The following AFF3 variants were observed in gnomAD, a reference collection of about 807,000 sequenced individuals.
AFF3 encodes AF4/FMR2 family member 3.
Under a neutral mutation model 129.7 loss-of-function variants are expected in AFF3, and 32 were observed. That is an observed-to-expected ratio of 0.25 (90% CI 0.19 to 0.33). The LOEUF (loss-of-function observed/expected upper bound fraction) is 0.33. Ranked by LOEUF, AFF3 falls within the 10% of genes least tolerant of loss-of-function variation. The pLI, the probability that AFF3 is intolerant of heterozygous loss-of-function variation, is 1.00. For missense variants in AFF3, 1,373 were observed against 1,592.0 expected (o/e 0.86, Z 2.34); for synonymous variants, 644 against 635.4 (o/e 1.01, Z -0.20).
chr2:99,643,532 C>A (rs1461124090), intron 13 of AFF3, among the ~76,000 whole-genome samples: 1 of 152,078 alleles, frequency 6.6e-6, no homozygotes, highest in Non-Finnish European at 1.5e-5. Flanking sequence ...AAGAAGAGAC[C>A]AACTATTAGT....
intron 7 of AFF3, among the ~76,000 whole-genome samples, chr2:99,949,407 A>AG (rs1417073835): frequency 6.6e-6 from 1 of 152,094 alleles, no homozygotes; most frequent in Non-Finnish European, 1.5e-5. Context: ...ACTGGAGAGC[A>AG]GGGGGGAGGA....
At chr2:99,728,154 T>C (rs1679512885) in intron 10 of AFF3, among the ~76,000 whole-genome samples, 1 of 152,182 alleles carries the variant, frequency 6.6e-6, no homozygotes, top group Non-Finnish European at 1.5e-5. Flanking sequence ...CTTAATCAAT[T>C]GGTGGTTTGA....
chr2:99,951,347 CT>C (rs1010970888), intron 7 of AFF3, among the ~76,000 whole-genome samples: 11 of 152,272 alleles, frequency 7.2e-5, no homozygotes, highest in South Asian at 6.2e-4. Context: ...TAATTACTAA[CT>C]TGCCTAACCC....
chr2:99,860,417 G>A (rs1454155437), intron 7 of AFF3, among the ~76,000 whole-genome samples: 1 of 152,064 alleles, frequency 6.6e-6, no homozygotes, highest in African/African-American at 2.4e-5. Context: ...AGCCAGGGGT[G>A]GTGGCGGGTG....
chr2:99,779,399 C>A (rs1419809166), intron 8 of AFF3, among the ~76,000 whole-genome samples: 1 of 152,152 alleles, frequency 6.6e-6, no homozygotes, highest in East Asian at 1.9e-4. Flanking sequence ...CTTAAAACAA[C>A]AGCAAGATGA....
intron 11 of AFF3, among the ~76,000 whole-genome samples, chr2:99,673,117 G>A (rs975068517): frequency 6.6e-6 from 1 of 150,642 alleles, no homozygotes; most frequent in East Asian, 2.0e-4. Flanking sequence ...ACAATTACTT[G>A]TTTAGTGTTT....
intron 4 of AFF3, among the ~76,000 whole-genome samples, chr2:100,026,277 G>T (rs1209460576): frequency 1.3e-5 from 2 of 152,074 alleles, no homozygotes; most frequent in Non-Finnish European, 2.9e-5. Flanking sequence ...TATACAAATG[G>T]CCAACAAACA....
At chr2:99,764,733 C>T (rs1247395254) in intron 8 of AFF3, among the ~76,000 whole-genome samples, 2 of 152,056 alleles carry the variant, frequency 1.3e-5, no homozygotes, top group African/African-American at 2.4e-5. Context: ...GATGGTTTTG[C>T]TGCTGAGTAT....
intron 7 of AFF3, among the ~76,000 whole-genome samples, chr2:99,974,214 A>G (rs1678661391): frequency 1.3e-5 from 2 of 152,090 alleles, no homozygotes; most frequent in Admixed American, 1.3e-4. Context: ...AATTTTTTTT[A>G]ATTAAGTGAA....
intron 8 of AFF3, among the ~76,000 whole-genome samples, chr2:99,779,926 C>T (rs532662642): frequency 1.3e-5 from 2 of 152,120 alleles, no homozygotes; most frequent in South Asian, 2.1e-4. Flanking sequence ...GTCACATGCA[C>T]GGAGAGAGTG....
intron 7 of AFF3, among the ~76,000 whole-genome samples, chr2:99,885,872 T>C (rs1354057394): frequency 6.6e-6 from 1 of 152,172 alleles, no homozygotes; most frequent in Non-Finnish European, 1.5e-5. Context: ...GAATCTATCA[T>C]GTGATAGAGC....
chr2:99,709,552 TG>T (rs911014609), intron 11 of AFF3, among the ~76,000 whole-genome samples: 7 of 152,182 alleles, frequency 4.6e-5, no homozygotes, highest in Non-Finnish European at 5.9e-5. Context: ...TGCAGTCAAA[TG>T]GGTATTTTAA....
At chr2:99,970,695 A>C (rs1249066671) in intron 7 of AFF3, among the ~76,000 whole-genome samples, 1 of 151,502 alleles carries the variant, frequency 6.6e-6, no homozygotes, top group Admixed American at 6.6e-5. Context: ...TCCCTTTCCT[A>C]TTGGGGTCTA....
chr2:99,716,224 T>C (rs1436464698), intron 11 of AFF3, among the ~76,000 whole-genome samples: 1 of 152,172 alleles, frequency 6.6e-6, no homozygotes, highest in African/African-American at 2.4e-5. Context: ...TAGGCAACAG[T>C]CTAGCAGGAT....
chr2:99,733,780 TACTC>T (rs999985055), intron 10 of AFF3, among the ~76,000 whole-genome samples: 4 of 152,208 alleles, frequency 2.6e-5, no homozygotes, highest in African/African-American at 7.2e-5. Context: ...TCTGGGTCTC[TACTC>T]ACTCACTTTC....
chr2:99,606,573 T>C (rs1680357199), intron 13 of AFF3, among the ~76,000 whole-genome samples: 3 of 152,054 alleles, frequency 2.0e-5, no homozygotes, highest in South Asian at 2.1e-4. Flanking sequence ...AAAAAAGAGA[T>C]TGAATCTTTC....
chr2:99,931,699 G>T (rs1251041715), intron 7 of AFF3, among the ~76,000 whole-genome samples: 1 of 152,086 alleles, frequency 6.6e-6, no homozygotes, highest in Non-Finnish European at 1.5e-5. Flanking sequence ...ACCTGAGGTT[G>T]GGAGTTTGAG....
chr2:99,658,318 G>A (rs1038398046), intron 12 of AFF3, among the ~76,000 whole-genome samples: 1 of 152,096 alleles, frequency 6.6e-6, no homozygotes, highest in Non-Finnish European at 1.5e-5. Flanking sequence ...ACACATGCCT[G>A]GTGTGGGGGT....
At chr2:100,136,567 G>C (rs1000585525) in intron 1 of AFF3, among the ~76,000 whole-genome samples, 3 of 152,212 alleles carry the variant, frequency 2.0e-5, no homozygotes, top group Admixed American at 1.3e-4. Context: ...ACATGTGGGA[G>C]TGTGTGTGCA....
Sources: allele counts gnomAD v4.1 joint callset (sites outside exome capture counted in the v4.1 genomes callset), GRCh38; gene constraint gnomAD v4.1.1; transcripts MANE v1.5; gene names NCBI Gene and HGNC (gene_info 2026-07-23, HGNC 2026-07-21).